Variants in IL21 observed in about 807,000 individuals in gnomAD.
IL21 encodes the protein interleukin-21.
IL21 carries 3 observed loss-of-function variants against 18.4 expected under a neutral mutation model. The observed-to-expected ratio is 0.16, with a 90% CI of 0.07 to 0.42. The LOEUF is 0.42. Among genes scored for constraint, IL21 ranks in the 10% least tolerant of loss-of-function variants. The probability of loss-of-function intolerance (pLI) is 0.99; values close to 1 mark genes in which losing one functional copy is unlikely to be tolerated. For synonymous variants in IL21, 37 were observed against 62.0 expected (o/e 0.60, Z 1.90); for missense variants, 130 against 188.4 (o/e 0.69, Z 1.81).
At position 122,612,707 on chromosome 4, in the gene IL21, T is replaced by G. The variant is rs117127666; in HGVS notation, c.*3A>C. 2,851 of 1,600,320 alleles carry G rather than the reference T, an allele frequency of 1.8e-3. 34 individuals carry two copies. Among genetic ancestry groups the G allele is most frequent in the East Asian group, 0.017 (774 of 44,740 alleles). ...ACATAGTGTCCAACTGCAAGTTAGA[T>G]CCTCAGGAATCTTCACTTCCGTGTG... On this transcript the variant is annotated 3_prime_UTR_variant, in exon 5 of 5. Coordinates refer to ENST00000648588, the MANE Select transcript of IL21 (RefSeq NM_021803.4).
At chr4:122,620,632 A>G (rs537707257) in intron 2 of IL21, 69 bp downstream of exon 2, 12 of 1,298,246 alleles carry the variant, frequency 9.2e-6, no homozygotes, top group Admixed American at 1.9e-5. Flanking sequence ...AATCATGCTA[A>G]TGTCTTTCTT....
rs1799328265 is a variant in IL21, at chr4:122,615,719, G to A, written c.323C>T (p.Pro108Leu). The change falls in exon 3 of 5, where the codon CCT (proline) becomes CTT (leucine). Residue 108 changes from proline to leucine, a missense_variant. Pro to Leu is a moderately conservative substitution (Grantham distance 98). Transcript: ENST00000648588. Reference sequence around the variant, plus strand: ...CTGTCTTCTCCCTGCATTTGTGGAAGGTGGTTTCCTCTTCAGCTTTTTAAT... The same window carrying A: ...CTGTCTTCTCCCTGCATTTGTGGAAAGTGGTTTCCTCTTCAGCTTTTTAAT... ...VSIKKLKRKP[P>L]STNAGRRQKH... 4 of 1,613,422 alleles carry A rather than the reference G, an allele frequency of 2.5e-6. No individual in the cohort carries two copies. The highest frequency in any genetic ancestry group is 3.4e-6 in the Non-Finnish European group (4 of 1,179,766).
At position 122,611,380 on chromosome 4, in the gene IL21, G is replaced by C. The variant is rs1799262431; in HGVS notation, c.*1330C>G. ...TCTTTTAGAACTGTAGGTTAAGTCT[G>C]TATTTGTTTTAAGCACATAATTTTT... On this transcript the variant is annotated 3_prime_UTR_variant, in exon 5 of 5. Transcript: ENST00000648588. Among the ~76,000 whole-genome samples, 2 of 152,096 alleles carry C rather than the reference G, an allele frequency of 1.3e-5. No individual in the cohort carries two copies. The highest frequency in any genetic ancestry group is 4.8e-5 in the African/African-American group (2 of 41,426).
rs184380650 is a variant in IL21 at position 122,615,247 on chromosome 4, T to C, written c.360+435A>G. Among the ~76,000 whole-genome samples the C allele has an allele frequency of 1.4e-3, 208 of 152,220 alleles. 1 individual carries two copies. Among genetic ancestry groups the C allele is most frequent in the African/African-American group, 4.9e-3 (203 of 41,558 alleles). Reference sequence around the variant, plus strand: ...TAAAATGCACCACGTATAGGCCGGGTGCGGTGGCTCATGCCTGTAATCCCC... The same window carrying C: ...TAAAATGCACCACGTATAGGCCGGGCGCGGTGGCTCATGCCTGTAATCCCC... On this transcript the variant is annotated intron_variant, in intron 3 of 4. Coordinates refer to ENST00000648588, the MANE Select transcript of IL21 (RefSeq NM_021803.4).
At position 122,616,452 on chromosome 4, in the gene IL21, A is replaced by G. The variant is rs529499979; in HGVS notation, c.205-615T>C. Among the ~76,000 whole-genome samples the G allele has an allele frequency of 2.6e-5, 4 of 152,328 alleles. No individual in the cohort carries two copies. In the East Asian group the frequency reaches 7.7e-4, roughly 29 times the overall value. On this transcript the variant is annotated intron_variant, in intron 2 of 4. Coordinates refer to ENST00000648588, the MANE Select transcript of IL21 (RefSeq NM_021803.4). ...TCTGATAGCATATTTTACATCTAAGATTCAATATACTTGCCATAGATCACA... is the reference window on the plus strand; with the variant it reads ...TCTGATAGCATATTTTACATCTAAGGTTCAATATACTTGCCATAGATCACA...
At chr4:122,615,135 T>G (rs1356231106) in intron 3 of IL21, among the ~76,000 whole-genome samples, 1 of 152,226 alleles carries the variant, frequency 6.6e-6, no homozygotes, top group African/African-American at 2.4e-5. Flanking sequence ...TATTAACATA[T>G]TCCAGCTGCC....
In IL21 at chr4:122,612,026, G is replaced by C. The variant is rs1051732712; in HGVS notation, c.*684C>G. ...TAAGGGGACTGGGGGCTGGAGGAAG[G>C]TAATATTAAATCCACTTCTTAATAC... On this transcript the variant is annotated 3_prime_UTR_variant, in exon 5 of 5. Transcript: ENST00000648588. Among the ~76,000 whole-genome samples the C allele has an allele frequency of 1.3e-5, 2 of 151,974 alleles. No individual in the cohort carries two copies. The highest frequency in any genetic ancestry group is 4.8e-5 in the African/African-American group (2 of 41,384).
chr4:122,612,067 T>C lies in IL21; in HGVS notation c.*643A>G, dbSNP rs940821280. Among the ~76,000 whole-genome samples the C allele has an allele frequency of 1.3e-5, 2 of 151,916 alleles. No individual in the cohort carries two copies. Among genetic ancestry groups the C allele is most frequent in the African/African-American group, 4.8e-5 (2 of 41,358 alleles). ...TTCTTAATACTCTATTGCCACTGAC[T>C]AAGAGTCTATTCCATAAATACATTC... On this transcript the variant is annotated 3_prime_UTR_variant, in exon 5 of 5. Coordinates refer to ENST00000648588, the MANE Select transcript of IL21 (RefSeq NM_021803.4).
At chr4:122,614,907 T>C (rs1430404320) in intron 3 of IL21, among the ~76,000 whole-genome samples, 1 of 152,152 alleles carries the variant, frequency 6.6e-6, no homozygotes, top group Non-Finnish European at 1.5e-5. Flanking sequence ...CAATACTGAC[T>C]CTGCTGATGT....
At chr4:122,618,681 C>A (rs1379455402) in intron 2 of IL21, among the ~76,000 whole-genome samples, 1 of 151,958 alleles carries the variant, frequency 6.6e-6, no homozygotes, top group African/African-American at 2.4e-5. Context: ...TGGCGTGCGC[C>A]TGTAGTCCCA....
rs1799257417 is a variant in IL21 at position 122,611,065 on chromosome 4, A to G, written c.*1645T>C. ...TAAATATGAAATACAATATCCAAGAAGTTAATAGCTATACATTCAGAAACA... is the reference window on the plus strand; with the variant it reads ...TAAATATGAAATACAATATCCAAGAGGTTAATAGCTATACATTCAGAAACA... On this transcript the variant is annotated 3_prime_UTR_variant, in exon 5 of 5. Coordinates refer to ENST00000648588, the MANE Select transcript of IL21 (RefSeq NM_021803.4). Among the ~76,000 whole-genome samples, 1 of 152,224 alleles carries G rather than the reference A, an allele frequency of 6.6e-6. No individual in the cohort carries two copies. Among genetic ancestry groups the G allele is most frequent in the African/African-American group, 2.4e-5 (1 of 41,470 alleles).
Position 122,612,854 on chromosome 4 carries a change from T to G in IL21, c.435A>C (p.Gln145His). 6.2e-7 allele frequency: 1 copy of G among 1,613,016 alleles called. No homozygotes were observed. The highest frequency in any genetic ancestry group is 1.3e-5 in the African/African-American group (1 of 75,026). ...EFLERFKSLL[Q>H]KMIHQHLSSR... ...AAATGAAACTTAAGGTAGATACCTT[T>G]TGGAGAAGTGATTTGAATCTTTCTA... is the stretch of plus-strand genomic sequence containing the variant. Residue 145 changes from glutamine (Q) to histidine (H), a missense_variant, in exon 4 of 5, where the codon CAA (glutamine) becomes CAC (histidine). Physicochemically the swap from Gln to His is conservative, Grantham distance 24. Transcript: ENST00000648588.
rs1036981584 is a variant in IL21 at position 122,617,691 on chromosome 4, G to A, written c.205-1854C>T. Among the ~76,000 whole-genome samples, 4 of 152,190 alleles carry A rather than the reference G, an allele frequency of 2.6e-5. 1 individual carries two copies. The highest frequency in any genetic ancestry group is 2.9e-5 in the Non-Finnish European group (2 of 68,038). On this transcript the variant is annotated intron_variant, in intron 2 of 4. Coordinates refer to ENST00000648588, the MANE Select transcript of IL21 (RefSeq NM_021803.4). ...GGACACTGACGCCCATATTGATGGGGCTGTGCTTCCTCTCCCACCCTTCCT... is the reference window on the plus strand; with the variant it reads ...GGACACTGACGCCCATATTGATGGGACTGTGCTTCCTCTCCCACCCTTCCT...
chr4:122,619,072 G>T (rs979132060), intron 2 of IL21: 1 of 152,014 alleles, frequency 6.6e-6, no homozygotes, highest in Non-Finnish European at 1.5e-5. Context: ...AATCACCACC[G>T]GTTGAGAACC....
intron 3 of IL21, among the ~76,000 whole-genome samples, chr4:122,614,589 T>C (rs917835673): frequency 2.0e-5 from 3 of 151,902 alleles, no homozygotes; most frequent in African/African-American, 7.3e-5. Flanking sequence ...CGCCTGTAGT[T>C]CCAGCTACTT....
rs930817716 is a variant in IL21, at chr4:122,612,431, CTG to C, written c.*277_*278del. 6.6e-6 allele frequency among the ~76,000 whole-genome samples: 1 copy of C among 152,032 alleles called. No homozygotes were observed. The highest frequency in any genetic ancestry group is 2.1e-4 in the South Asian group (1 of 4,828). The stretch of plus-strand genomic sequence containing the variant: ...AATATAAAATCAATAGATGTCAAAA[CTG>C]TATTTTTGGTTAAAAATTTTAGCCT... On this transcript the variant is annotated 3_prime_UTR_variant, in exon 5 of 5. Coordinates refer to ENST00000648588, the MANE Select transcript of IL21 (RefSeq NM_021803.4).
rs190722966 is a variant in IL21, at chr4:122,612,441, G to A, written c.*269C>T. On this transcript the variant is annotated 3_prime_UTR_variant, in exon 5 of 5. Coordinates refer to ENST00000648588, the MANE Select transcript of IL21 (RefSeq NM_021803.4). ...CAATAGATGTCAAAACTGTATTTTT[G>A]GTTAAAAATTTTAGCCTTCTCCTTC... Among the ~76,000 whole-genome samples the A allele has an allele frequency of 3.6e-4, 54 of 152,016 alleles. No individual in the cohort carries two copies. Among genetic ancestry groups the A allele is most frequent in the African/African-American group, 1.3e-3 (54 of 41,484 alleles).
At chr4:122,615,552 T>G in intron 3 of IL21, 130 bp downstream of exon 3, 1 of 741,244 alleles carries the variant, frequency 1.3e-6, no homozygotes. Flanking sequence ...AAGCACCATG[T>G]ATAATAAGGC....
chr4:122,615,833 T>G lies in IL21; in HGVS notation c.209A>C (p.Asn70Thr). 6.2e-7 allele frequency: 1 copy of G among 1,607,392 alleles called. No individual in the cohort carries two copies. Among genetic ancestry groups the G allele is most frequent in the Non-Finnish European group, 8.5e-7 (1 of 1,177,308 alleles). The change falls in exon 3 of 5, where the codon AAC becomes ACC. Residue 70 changes from asparagine to threonine, a missense_variant. Transcript: ENST00000648588. ...FLPAPEDVET[N>T]CEWSAFSCFQ... ...GCAGGAAAAAGCTGACCACTCACAGTTTGTCTGAAAGATAAACAATTTGTA... is the reference window on the plus strand; with the variant it reads ...GCAGGAAAAAGCTGACCACTCACAGGTTGTCTGAAAGATAAACAATTTGTA...
Sources: allele counts gnomAD v4.1 joint callset (sites outside exome capture counted in the v4.1 genomes callset), GRCh38; gene constraint gnomAD v4.1.1; transcripts MANE v1.5; gene names NCBI Gene and HGNC (gene_info 2026-07-23, HGNC 2026-07-21).